UBE2B: variants seen among roughly 807,000 people sequenced by gnomAD.
UBE2B encodes the protein ubiquitin-conjugating enzyme E2 B.
UBE2B carries 11 observed loss-of-function variants against 24.6 expected under a neutral mutation model. The ratio of observed to expected loss-of-function variants is 0.45; its 90% CI spans 0.28 to 0.74. The LOEUF (loss-of-function observed/expected upper bound fraction) is 0.74. Among genes scored for constraint, UBE2B ranks in the 30% least tolerant of loss-of-function variants. UBE2B has a pLI of 0.13. For missense variants in UBE2B, 78 were observed against 185.6 expected (o/e 0.42, Z 3.37); for synonymous variants, 68 against 62.4 (o/e 1.09, Z -0.42).
chr5:134,390,094 AT>A lies in UBE2B; in HGVS notation c.331-129del. The A allele has an allele frequency of 8.7e-7, 1 of 1,154,750 alleles. No homozygotes were observed. The highest frequency in any genetic ancestry group is 2.0e-5 in the Admixed American group (1 of 49,448). The allele number at this position is 1,154,750 out of a possible 1,614,324, so 71.5% of individuals were successfully genotyped here. A position where few individuals can be genotyped will look rare whatever the true frequency, so the allele number is the denominator to read the frequency against. On this transcript the variant is annotated intron_variant, in intron 5 of 5. Coordinates refer to ENST00000265339, the MANE Select transcript of UBE2B (RefSeq NM_003337.4). This position sits in a 1 kb window ranked among gnomAD's most constrained non-coding sequence, Gnocchi z 4.6. ...ATTTCTAAAAGTATTTAGACCCAAAATTATATGACATGTTAATCTCTGAAGT... is the reference window on the plus strand; with the variant it reads ...ATTTCTAAAAGTATTTAGACCCAAAATATATGACATGTTAATCTCTGAAGT...
At chr5:134,388,536 C>T (rs1009429690) in intron 5 of UBE2B, 123 bp downstream of exon 5, 2 of 855,894 alleles carry the variant, frequency 2.3e-6, no homozygotes, top group African/African-American at 3.3e-5. Flanking sequence ...GCTAACTTTT[C>T]TCTTTCAGTA....
In UBE2B at chr5:134,377,674, G is replaced by T. The variant is rs574855563; in HGVS notation, c.151+980G>T. ...CGTTACCTTTTTTCTCTACATCAAGGGTTCTCAAGTGTGTGATCCATAAAC... is the reference window on the plus strand; with the variant it reads ...CGTTACCTTTTTTCTCTACATCAAGTGTTCTCAAGTGTGTGATCCATAAAC... On this transcript the variant is annotated intron_variant, in intron 3 of 5. Coordinates refer to ENST00000265339, the MANE Select transcript of UBE2B (RefSeq NM_003337.4). 3.3e-5 allele frequency among the ~76,000 whole-genome samples: 5 copies of T among 152,086 alleles called. No individual in the cohort carries two copies. In the Middle Eastern group the frequency reaches 0.01, roughly 313 times the overall value.
At chr5:134,381,828 C>G (rs890115188) in intron 4 of UBE2B, among the ~76,000 whole-genome samples, 1 of 152,200 alleles carries the variant, frequency 6.6e-6, no homozygotes, top group Non-Finnish European at 1.5e-5. Context: ...CCTGTAATCT[C>G]AGCTACTCAG....
At chr5:134,372,234 C>CT (rs1177121880) in intron 1 of UBE2B, among the ~76,000 whole-genome samples, 3 of 152,206 alleles carry the variant, frequency 2.0e-5, no homozygotes, top group African/African-American at 7.2e-5. Context: ...ACTTAGAGAT[C>CT]TGGGACCTTA....
At chr5:134,373,252 C>G (rs1758524631) in intron 1 of UBE2B, among the ~76,000 whole-genome samples, 1 of 151,210 alleles carries the variant, frequency 6.6e-6, no homozygotes, top group Admixed American at 6.6e-5. Context: ...CTGCCTAATA[C>G]TAGTTTCCTA....
chr5:134,375,793 G>A lies in UBE2B; in HGVS notation c.126-876G>A, dbSNP rs1424619638. Among the ~76,000 whole-genome samples, 31 of 86,216 alleles carry A rather than the reference G, an allele frequency of 3.6e-4. No individual in the cohort carries two copies. In the South Asian group the frequency reaches 0.013, roughly 35 times the overall value. 56.6% of individuals were successfully genotyped at this position (86,216 alleles called of 152,430 possible). ...CCAGCCTGGGCGACAGCGAGACTCC[G>A]TCTCAAAAAAAAAAAAAAAAAAAAA... On this transcript the variant is annotated intron_variant, in intron 2 of 5. Transcript: ENST00000265339.
At chr5:134,386,840 A>G (rs1226750853) in intron 4 of UBE2B, among the ~76,000 whole-genome samples, 3 of 152,122 alleles carry the variant, frequency 2.0e-5, no homozygotes, top group Non-Finnish European at 2.9e-5. Flanking sequence ...GTCTTACTCT[A>G]TAAACAGTAG....
intron 4 of UBE2B, among the ~76,000 whole-genome samples, chr5:134,381,012 G>A (rs555929381): frequency 1.5e-5 from 2 of 132,978 alleles, no homozygotes; most frequent in Non-Finnish European, 3.1e-5. Flanking sequence ...TGTCGCCCAG[G>A]CTGGAGTGCA....
At chr5:134,378,177 G>A (rs4958181) in intron 3 of UBE2B, among the ~76,000 whole-genome samples, 150,406 of 152,258 alleles carry the variant, frequency 0.99, 74,313 homozygotes, top group Middle Eastern at 1. Context: ...CTTTAAAAAA[G>A]TTACCAATTT....
chr5:134,384,636 C>T lies in UBE2B; in HGVS notation c.242-3689C>T, dbSNP rs1044460418. 4.6e-5 allele frequency among the ~76,000 whole-genome samples: 7 copies of T among 151,978 alleles called. No homozygotes were observed. The South Asian group carries it at 6.2e-4, about 14-fold the overall frequency. On this transcript the variant is annotated intron_variant, in intron 4 of 5. Transcript: ENST00000265339. ...CTCTTCATATTTATAGCATGGTTTC[C>T]CTTTTATTCTGCTGAGTACTTTTTT...
At chr5:134,372,116 T>G (rs534539053) in intron 1 of UBE2B, among the ~76,000 whole-genome samples, 85 of 152,330 alleles carry the variant, frequency 5.6e-4, no homozygotes, top group African/African-American at 2.0e-3. Flanking sequence ...CTGCCAATCC[T>G]TTCCATTTGT....
chr5:134,376,839 A>G, intron 3 of UBE2B, 145 bp downstream of exon 3: 1 of 699,006 alleles, frequency 1.4e-6, no homozygotes, highest in Non-Finnish European at 2.3e-6. Flanking sequence ...TATACTTCAT[A>G]AGGGACTTCT....
chr5:134,390,387 G>T lies in UBE2B; in HGVS notation c.*34G>T. On this transcript the variant is annotated 3_prime_UTR_variant, in exon 6 of 6. Coordinates refer to ENST00000265339, the MANE Select transcript of UBE2B (RefSeq NM_003337.4). The surrounding 1 kb of genome is among the most constrained non-coding windows in gnomAD (Gnocchi z 4.6). Reference sequence around the variant, plus strand: ...TGGTCTGTTAATCTTTTTCATCATTGTTGTGTATAATTTACCTCTCATTAG... The same window carrying T: ...TGGTCTGTTAATCTTTTTCATCATTTTTGTGTATAATTTACCTCTCATTAG... 3 of 1,612,620 alleles carry T rather than the reference G, an allele frequency of 1.9e-6. No homozygotes were observed. Among genetic ancestry groups the T allele is most frequent in the Non-Finnish European group, 2.5e-6 (3 of 1,179,182 alleles).
At chr5:134,387,020 C>T (rs35186293) in intron 4 of UBE2B, among the ~76,000 whole-genome samples, 18,809 of 149,212 alleles carry the variant, frequency 0.13, 1,364 homozygotes, top group African/African-American at 0.18. Context: ...AGTGCAGTGG[C>T]GTGATCTGAG....
chr5:134,388,271 C>A, intron 4 of UBE2B, 54 bp from the exon 5 acceptor site: 1 of 1,458,736 alleles, frequency 6.9e-7, no homozygotes, highest in South Asian at 1.1e-5. Flanking sequence ...AAAGATTTCT[C>A]TTAACTGTTA....
At chr5:134,386,139 C>A (rs1758797133) in intron 4 of UBE2B, among the ~76,000 whole-genome samples, 1 of 151,654 alleles carries the variant, frequency 6.6e-6, no homozygotes, top group Admixed American at 6.6e-5. Flanking sequence ...CTAGCCTGGC[C>A]AACATGGTAA....
At chr5:134,387,954 C>T (rs940216284) in intron 4 of UBE2B, among the ~76,000 whole-genome samples, 2 of 152,098 alleles carry the variant, frequency 1.3e-5, no homozygotes, top group Non-Finnish European at 2.9e-5. Context: ...AGGCATGTGC[C>T]ACCATGCCCG....
intron 4 of UBE2B, among the ~76,000 whole-genome samples, chr5:134,383,760 T>G (rs888555473): frequency 6.6e-6 from 1 of 152,084 alleles, no homozygotes; most frequent in Non-Finnish European, 1.5e-5. Context: ...GTGCCCGGCC[T>G]CAAAATAAAT....
intron 3 of UBE2B, among the ~76,000 whole-genome samples, chr5:134,378,951 G>T (rs1050645068): frequency 6.6e-5 from 10 of 151,706 alleles, no homozygotes; most frequent in East Asian, 3.9e-4. Context: ...AAAAAACAGT[G>T]GGGGGATCTA....
Sources: gnomAD v4.1 joint callset for allele counts (sites outside exome capture counted in the v4.1 genomes callset) on GRCh38, gnomAD v4.1.1 for gene constraint, Gnocchi (gnomAD v3.1) non-coding constraint, MANE v1.5 for transcripts, NCBI Gene and HGNC (gene_info 2026-07-23, HGNC 2026-07-21) for gene names.